ANK1: variants seen among roughly 807,000 people sequenced by gnomAD.
ANK1 encodes the protein ankyrin-1.
Under a neutral mutation model 210.4 loss-of-function variants are expected in ANK1, and 51 were observed. That is an observed-to-expected ratio of 0.24 (90% confidence interval 0.19 to 0.31). The LOEUF (loss-of-function observed/expected upper bound fraction) is 0.31, where lower values mean the gene tolerates loss of function less well. Among genes scored for constraint, ANK1 ranks in the 10% least tolerant of loss-of-function variants. The pLI, the probability that ANK1 is intolerant of heterozygous loss-of-function variation, is 1.00. For synonymous variants in ANK1, 967 were observed against 1,025.9 expected (o/e 0.94, Z 1.10); for missense variants, 2,051 against 2,504.4 (o/e 0.82, Z 3.86).
chr8:41,790,250 G>A (rs1847359931), intron 1 of ANK1, among the ~76,000 whole-genome samples: 2 of 151,506 alleles, frequency 1.3e-5, no homozygotes, highest in South Asian at 2.1e-4. Context: ...GGGTTCAAGC[G>A]ATTCTCCCGC....
At chr8:41,790,931 C>T (rs1847539217) in intron 1 of ANK1, among the ~76,000 whole-genome samples, 1 of 152,142 alleles carries the variant, frequency 6.6e-6, no homozygotes, top group African/African-American at 2.4e-5. Context: ...CCATTGACTC[C>T]CTTTGGAGAA....
chr8:41,752,296 G>A (rs1177766561), intron 2 of ANK1, among the ~76,000 whole-genome samples: 1 of 152,120 alleles, frequency 6.6e-6, no homozygotes, highest in African/African-American at 2.4e-5. Context: ...CCTAGAATAG[G>A]CCTGGCACAG....
chr8:41,877,445 G>A (rs2150829103), intron 1 of ANK1, among the ~76,000 whole-genome samples: 1 of 152,354 alleles, frequency 6.6e-6, no homozygotes, highest in Non-Finnish European at 1.5e-5. Flanking sequence ...CACCATCTAG[G>A]AAGTGACACT....
chr8:41,720,230 C>T (rs1205731586), intron 9 of ANK1, among the ~76,000 whole-genome samples: 14 of 152,256 alleles, frequency 9.2e-5, no homozygotes, highest in African/African-American at 2.6e-4. Flanking sequence ...TTTATTTATA[C>T]GCCTCTTAAG....
intron 1 of ANK1, among the ~76,000 whole-genome samples, chr8:41,889,064 C>T (rs1818946594): frequency 6.6e-6 from 1 of 152,240 alleles, no homozygotes; most frequent in East Asian, 1.9e-4. Context: ...TGGTCTTGAA[C>T]TCCTAGCCTT....
At chr8:41,721,194 G>A (rs550164726) in intron 9 of ANK1, among the ~76,000 whole-genome samples, 5 of 152,270 alleles carry the variant, frequency 3.3e-5, no homozygotes, top group African/African-American at 7.2e-5. Flanking sequence ...TATGACTGGC[G>A]TCCTTAGAAA....
At position 41,693,998 on chromosome 8, in the gene ANK1, G is replaced by A. The variant is rs1161140962; in HGVS notation, c.3432C>T (p.Pro1144=). The A allele has an allele frequency of 1.9e-6, 3 of 1,614,120 alleles. No individual in the cohort carries two copies. Among genetic ancestry groups the A allele is most frequent in the Middle Eastern group, 1.7e-4 (1 of 6,058 alleles). Reference sequence around the variant, plus strand: ...GAGGTAGTGGGATCCGAAGCCCAATGGGGCGGTGGAACTTCCGGCGCCGGG... The same window carrying A: ...GAGGTAGTGGGATCCGAAGCCCAATAGGGCGGTGGAACTTCCGGCGCCGGG... ...VEPRRRKFHR[P]IGLRIPLPPS... The change falls in exon 29 of 43, where the codon CCC becomes CCT. Residue 1144 remains proline, a synonymous_variant. Transcript: ENST00000289734.
In ANK1 at chr8:41,704,948, T is replaced by C. The variant is rs897441156; in HGVS notation, c.2098-476A>G. ...GAGGGCAGATGGGGATGTGGAGTCA[T>C]GGTCACTCCAATGACAACAGGTTTT... On this transcript the variant is annotated intron_variant, in intron 18 of 42. Coordinates refer to ENST00000289734, the MANE Select transcript of ANK1 (RefSeq NM_000037.4). This position sits in a 1 kb window ranked among gnomAD's most constrained non-coding sequence, Gnocchi z 4.1. Among the ~76,000 whole-genome samples, 12 of 152,158 alleles carry C rather than the reference T, an allele frequency of 7.9e-5. No homozygotes were observed. The highest frequency in any genetic ancestry group is 1.9e-4 in the African/African-American group (8 of 41,420).
intron 1 of ANK1, among the ~76,000 whole-genome samples, chr8:41,767,204 C>T (rs1842014611): frequency 6.6e-6 from 1 of 152,022 alleles, no homozygotes; most frequent in Non-Finnish European, 1.5e-5. Context: ...CACCCGCACC[C>T]GCCGGGGAAA....
At position 41,727,242 on chromosome 8, in the gene ANK1, G is replaced by A; in HGVS notation, c.426+8C>T. The A allele has an allele frequency of 2.5e-6, 4 of 1,611,206 alleles. No individual in the cohort carries two copies. Among genetic ancestry groups the A allele is most frequent in the Non-Finnish European group, 3.4e-6 (4 of 1,177,340 alleles). On this transcript the variant is annotated splice_region_variant and intron_variant, in intron 5 of 42. Transcript: ENST00000289734. ...CTGGTGGTGACGACATTTTTCCAAG[G>A]TACTTACTTCTGTGGCTACATTCTG...
At chr8:41,660,934 C>T (rs909923437) in intron 42 of ANK1, 1 of 280,414 alleles carries the variant, frequency 3.6e-6, no homozygotes, top group Non-Finnish European at 6.9e-6. Context: ...TCTTCAATGC[C>T]CTGTCCACTG....
At chr8:41,779,708 T>C (rs992804978) in intron 1 of ANK1, among the ~76,000 whole-genome samples, 1 of 152,204 alleles carries the variant, frequency 6.6e-6, no homozygotes, top group Non-Finnish European at 1.5e-5. Context: ...ACAGCAACTT[T>C]ATAAGTCAGG....
At chr8:41,727,479 G>A (rs1831007595) in intron 4 of ANK1, 131 bp from the exon 5 acceptor site, 2 of 741,298 alleles carry the variant, frequency 2.7e-6, no homozygotes, top group Non-Finnish European at 2.4e-6. Flanking sequence ...CCCTCCTAAG[G>A]AAACTCATTG....
At chr8:41,779,230 C>T (rs999998723) in intron 1 of ANK1, among the ~76,000 whole-genome samples, 10 of 152,034 alleles carry the variant, frequency 6.6e-5, no homozygotes, top group Non-Finnish European at 4.4e-5. Flanking sequence ...TCTGGAATGC[C>T]CTTCTCTACA....
chr8:41,731,784 G>C (rs1832241918), intron 3 of ANK1, among the ~76,000 whole-genome samples: 1 of 152,204 alleles, frequency 6.6e-6, no homozygotes, highest in Admixed American at 6.5e-5. Context: ...ACCTGGGGAG[G>C]AGATTCGGAA....
At chr8:41,683,130 G>A (rs1816633463) in intron 37 of ANK1, among the ~76,000 whole-genome samples, 1 of 152,138 alleles carries the variant, frequency 6.6e-6, no homozygotes, top group African/African-American at 2.4e-5. Context: ...ACACACACAA[G>A]TACACCCAGG....
rs767693050 is a variant in ANK1 at position 41,714,992 on chromosome 8, G to C, written c.1685C>G (p.Pro562Arg). The change falls in exon 15 of 43, where the codon CCG (proline) becomes CGG (arginine). Residue 562 changes from proline (P) to arginine (R), a missense_variant. Coordinates refer to ENST00000289734, the MANE Select transcript of ANK1 (RefSeq NM_000037.4). ...CAAACTCACTTTTCCGGCAGCATTC[G>C]GGTGTGCGTCCCGCTCCAGCAGCAG... ...AELLLERDAHPNAAGKNGLTP... is the reference protein window; with the variant it reads ...AELLLERDAHRNAAGKNGLTP... 1 of 1,614,100 alleles carries C rather than the reference G, an allele frequency of 6.2e-7. No homozygotes were observed. The highest frequency in any genetic ancestry group is 1.7e-5 in the Admixed American group (1 of 60,020).
chr8:41,683,093 T>C (rs1044820905), intron 37 of ANK1, among the ~76,000 whole-genome samples: 12 of 151,570 alleles, frequency 7.9e-5, no homozygotes, highest in Admixed American at 1.3e-4. Flanking sequence ...CACACACACA[T>C]GCACGCACAC....
chr8:41,829,052 C>A (rs1193111507), intron 1 of ANK1: 1 of 152,242 alleles, frequency 6.6e-6, no homozygotes, highest in Non-Finnish European at 1.5e-5. Context: ...GCGTCTAGAC[C>A]GGTCCGTGAG....
Sources: gnomAD v4.1 joint callset for allele counts (sites outside exome capture counted in the v4.1 genomes callset) on GRCh38, gnomAD v4.1.1 for gene constraint, Gnocchi (gnomAD v3.1) non-coding constraint, MANE v1.5 for transcripts, NCBI Gene and HGNC (gene_info 2026-07-23, HGNC 2026-07-21) for gene names.